Variants in INO80D observed in about 807,000 individuals in gnomAD.
INO80D encodes INO80 complex subunit D.
Under a neutral mutation model 87.6 loss-of-function variants are expected in INO80D, and 21 were observed. That is an observed-to-expected ratio of 0.24 (90% CI 0.17 to 0.35). The LOEUF (loss-of-function observed/expected upper bound fraction) is 0.35. Ranked by LOEUF, INO80D falls within the 10% of genes least tolerant of loss-of-function variation. The pLI is 1.00. For missense variants in INO80D, 982 were observed against 1,280.7 expected (o/e 0.77, Z 3.56); for synonymous variants, 440 against 491.0 (o/e 0.90, Z 1.37).
At chr2:206,022,925 G>A (rs1242308910) in intron 6 of INO80D, among the ~76,000 whole-genome samples, 3 of 152,304 alleles carry the variant, frequency 2.0e-5, no homozygotes, top group East Asian at 1.9e-4. Flanking sequence ...CAGGCCGGGC[G>A]CAGTGGCTCA....
intron 5 of INO80D, among the ~76,000 whole-genome samples, chr2:206,037,210 C>G (rs1376706110): frequency 6.6e-6 from 1 of 152,116 alleles, no homozygotes; most frequent in African/African-American, 2.4e-5. Context: ...AATATAAATA[C>G]AGATATTGTT....
chr2:206,043,174 T>C (rs1575839082), intron 5 of INO80D, among the ~76,000 whole-genome samples: 1 of 151,996 alleles, frequency 6.6e-6, no homozygotes, highest in African/African-American at 2.4e-5. Flanking sequence ...TTTTCTTTTC[T>C]TTCCTTTTCT....
At chr2:206,068,928 C>T (rs1575879525) in intron 1 of INO80D, among the ~76,000 whole-genome samples, 2 of 151,792 alleles carry the variant, frequency 1.3e-5, no homozygotes, top group East Asian at 3.9e-4. Context: ...CTTGAACTTC[C>T]GGTCTCAAGT....
In INO80D at chr2:205,997,303, T is replaced by C. The variant is rs1687826484; in HGVS notation, c.*7065A>G. 6.6e-6 allele frequency: 1 copy of C among 151,934 alleles called. No individual in the cohort carries two copies. The highest frequency in any genetic ancestry group is 1.5e-5 in the Non-Finnish European group (1 of 67,942). The allele number at this position is 151,934 out of a possible 1,614,324, so 9.4% of individuals were successfully genotyped here. ...TTTTCCTATAGCTGAAATATGGGGA[T>C]GGGAGCACTCTTAAGTTAATAAATA... On this transcript the variant is annotated 3_prime_UTR_variant, in exon 11 of 11. Transcript: ENST00000403263.
chr2:206,059,062 TAA>T (rs34251228), intron 3 of INO80D, among the ~76,000 whole-genome samples: 71 of 125,374 alleles, frequency 5.7e-4, no homozygotes, highest in Middle Eastern at 4.2e-3. Context: ...CTGTCTCAGT[TAA>T]AAAAAAAAAA....
chr2:206,011,498 C>A (rs1373102280), intron 8 of INO80D, among the ~76,000 whole-genome samples: 1 of 152,196 alleles, frequency 6.6e-6, no homozygotes, highest in Admixed American at 6.5e-5. Flanking sequence ...GCCAGCTGTT[C>A]TTTTACCTAG....
chr2:206,005,856 C>T (rs559125079), intron 10 of INO80D, among the ~76,000 whole-genome samples: 8 of 152,118 alleles, frequency 5.3e-5, no homozygotes, highest in Non-Finnish European at 7.3e-5. Flanking sequence ...TGTGATTATA[C>T]GTGTTTTTAA....
At chr2:206,033,228 G>C (rs181125591) in intron 5 of INO80D, among the ~76,000 whole-genome samples, 222 of 152,186 alleles carry the variant, frequency 1.5e-3, no homozygotes, top group Middle Eastern at 0.014. Context: ...AGTTAAAACA[G>C]ACAAAGAGGG....
chr2:206,059,387 CAA>C (rs199978677), intron 3 of INO80D, among the ~76,000 whole-genome samples: 2 of 150,716 alleles, frequency 1.3e-5, no homozygotes, highest in Non-Finnish European at 3.0e-5. Context: ...CCTCAAAAAA[CAA>C]AAAAAACAAA....
At chr2:206,079,312 A>G (rs1488821042) in intron 1 of INO80D, among the ~76,000 whole-genome samples, 1 of 152,190 alleles carries the variant, frequency 6.6e-6, no homozygotes, top group African/African-American at 2.4e-5. Context: ...AGCTCAAGTG[A>G]TCCGCCCACC....
chr2:206,015,690 C>T (rs1286882183), intron 8 of INO80D, among the ~76,000 whole-genome samples: 1 of 152,080 alleles, frequency 6.6e-6, no homozygotes, highest in Non-Finnish European at 1.5e-5. Context: ...TTTGAGACCA[C>T]CCTGGCCAAC....
Position 206,073,540 on chromosome 2 carries a change from G to A in INO80D, c.-123-10296C>T, listed in dbSNP as rs1354467377. 3.3e-5 allele frequency among the ~76,000 whole-genome samples: 5 copies of A among 151,684 alleles called. No individual in the cohort carries two copies. The East Asian group carries it at 7.7e-4, about 24-fold the overall frequency. ...CCTTTCCCTCTTTTTTCTGAGACAG[G>A]GTCTTGCTCTGTGGCCAGGCTGGAG... On this transcript the variant is annotated intron_variant, in intron 1 of 10. Transcript: ENST00000403263.
chr2:206,026,189 G>A (rs1670808172), intron 6 of INO80D, among the ~76,000 whole-genome samples: 1 of 151,998 alleles, frequency 6.6e-6, no homozygotes, highest in African/African-American at 2.4e-5. Context: ...GTGAGCCACT[G>A]CACCCAGCCA....
chr2:206,086,128 C>T lies in INO80D; in HGVS notation c.-351G>A, dbSNP rs1690464977. On this transcript the variant is annotated 5_prime_UTR_variant, in exon 1 of 11. Coordinates refer to ENST00000403263, the MANE Select transcript of INO80D (RefSeq NM_017759.5). ...GGTCGGTGATTATTAAGGGGAAATC[C>T]CTGAATATACTCTCCAGCCAAGAAG... The T allele has an allele frequency of 6.6e-6, 1 of 152,194 alleles. No homozygotes were observed. Among genetic ancestry groups the T allele is most frequent in the East Asian group, 1.9e-4 (1 of 5,168 alleles). 9.4% of individuals were successfully genotyped at this position (152,194 alleles called of 1,614,324 possible). A position where few individuals can be genotyped will look rare whatever the true frequency, so the allele number is the denominator to read the frequency against.
intron 3 of INO80D, among the ~76,000 whole-genome samples, chr2:206,058,649 C>T (rs1408179426): frequency 6.6e-6 from 1 of 151,834 alleles, no homozygotes; most frequent in East Asian, 1.9e-4. Flanking sequence ...GTACAAGAAT[C>T]GCTTGAACCC....
chr2:206,004,769 C>T lies in INO80D; in HGVS notation c.2683G>A (p.Val895Ile), dbSNP rs1248949745. ...AATGGAGAGGGGTCTCCAAGGTTGA[C>T]AGGGAGATTGCCCCAGTGAGTTCTG... ...NPRTHWGNLP[V>I]NLGDPSPFSN... The change falls in exon 11 of 11, where the codon GTC becomes ATC. Residue 895 changes from valine (V) to isoleucine (I), a missense_variant. Physicochemically the swap from Val to Ile is conservative, Grantham distance 29. Coordinates refer to ENST00000403263, the MANE Select transcript of INO80D (RefSeq NM_017759.5). This position sits in a 1 kb window ranked among gnomAD's most constrained non-coding sequence, Gnocchi z 4.9. The T allele has an allele frequency of 2.5e-6, 4 of 1,613,970 alleles. No homozygotes were observed. Among genetic ancestry groups the T allele is most frequent in the Non-Finnish European group, 3.4e-6 (4 of 1,179,880 alleles).
chr2:206,007,551 G>A, intron 9 of INO80D, 110 bp from the exon 10 acceptor site: 3 of 1,258,724 alleles, frequency 2.4e-6, no homozygotes, highest in Non-Finnish European at 3.3e-6. Context: ...GCAGGGCACA[G>A]TGGCTCACAC....
chr2:206,009,265 G>A (rs932186043), intron 9 of INO80D, among the ~76,000 whole-genome samples: 7 of 152,122 alleles, frequency 4.6e-5, no homozygotes, highest in Non-Finnish European at 7.4e-5. Flanking sequence ...CCGAGATTGC[G>A]CCACTGCACT....
chr2:206,061,029 T>A (rs1187631937), intron 3 of INO80D, among the ~76,000 whole-genome samples: 2 of 152,104 alleles, frequency 1.3e-5, no homozygotes, highest in African/African-American at 4.8e-5. Context: ...GCCTTTTTTT[T>A]TAGATAGGGG....
Sources: gnomAD v4.1 joint callset for allele counts (sites outside exome capture counted in the v4.1 genomes callset) on GRCh38, gnomAD v4.1.1 for gene constraint, Gnocchi (gnomAD v3.1) non-coding constraint, MANE v1.5 for transcripts, NCBI Gene and HGNC (gene_info 2026-07-23, HGNC 2026-07-21) for gene names.